The following PRKAA1 variants were observed in gnomAD, a reference collection of about 807,000 sequenced individuals.
PRKAA1 encodes the protein 5'-AMP-activated protein kinase catalytic subunit alpha-1.
In PRKAA1, 23 loss-of-function variants were observed where a neutral mutation model predicts 56.9. The ratio of observed to expected loss-of-function variants is 0.40; its 90% confidence interval spans 0.29 to 0.57. The LOEUF is 0.57. Ranked by LOEUF, PRKAA1 falls within the 20% of genes least tolerant of loss-of-function variation. The pLI is 0.39. For synonymous variants in PRKAA1, 226 were observed against 227.0 expected, an observed-to-expected ratio of 1.00 and a Z score of 0.04; for missense variants, 413 against 679.7, an observed-to-expected ratio of 0.61 and a Z score of 4.36.
intron 1 of PRKAA1, among the ~76,000 whole-genome samples, chr5:40,788,979 C>T (rs1398146810): frequency 6.6e-6 from 1 of 151,968 alleles, no homozygotes. Flanking sequence ...GGGAGGCCGA[C>T]GCGGGTGGAT....
intron 1 of PRKAA1, among the ~76,000 whole-genome samples, chr5:40,782,377 A>C (rs944416849): frequency 1.3e-5 from 2 of 152,188 alleles, no homozygotes; most frequent in Non-Finnish European, 2.9e-5. Flanking sequence ...CATCTCCTAC[A>C]TGCCAGTTAA....
chr5:40,774,377 A>C (rs1216234717), intron 3 of PRKAA1, among the ~76,000 whole-genome samples: 1 of 152,204 alleles, frequency 6.6e-6, no homozygotes, highest in Non-Finnish European at 1.5e-5. Flanking sequence ...AAAAAATGAA[A>C]ATTTCAGAAA....
In PRKAA1 at chr5:40,767,634, A is replaced by G; in HGVS notation, c.653T>C (p.Leu218Ser). The G allele has an allele frequency of 6.2e-7, 1 of 1,613,858 alleles. No individual in the cohort carries two copies. Among genetic ancestry groups the G allele is most frequent in the Non-Finnish European group, 8.5e-7 (1 of 1,179,760 alleles). ...ATCAAATGGAAGGGTTCCACATAAT[A>G]AAGCATAGAGAATAACCCCACTGCT... is the stretch of plus-strand genomic sequence containing the variant. ...IWSSGVILYA[L>S]LCGTLPFDDD... The change falls in exon 6 of 9, where the codon TTA becomes TCA. Residue 218 changes from leucine to serine, a missense_variant. Physicochemically the swap from Leu to Ser is moderately radical, Grantham distance 145 (BLOSUM62 -2). Coordinates refer to ENST00000397128, the MANE Select transcript of PRKAA1 (RefSeq NM_006251.6).
At chr5:40,786,478 T>C (rs910733806) in intron 1 of PRKAA1, among the ~76,000 whole-genome samples, 1 of 151,962 alleles carries the variant, frequency 6.6e-6, no homozygotes, top group African/African-American at 2.4e-5. Context: ...AAGTGGATTT[T>C]CTAAAGAAGT....
intron 6 of PRKAA1, 75 bp from the exon 7 acceptor site, chr5:40,765,313 T>C: frequency 1.4e-6 from 2 of 1,436,894 alleles, no homozygotes; most frequent in Non-Finnish European, 1.9e-6. Flanking sequence ...TTAGGGAATT[T>C]AGAATATGAC....
intron 1 of PRKAA1, 143 bp downstream of exon 1, chr5:40,797,919 GA>G: frequency 7.2e-7 from 1 of 1,394,904 alleles, no homozygotes. Flanking sequence ...GGCGGCTGGG[GA>G]GAGCTCCCGC....
intron 8 of PRKAA1, 185 bp downstream of exon 8, chr5:40,764,329 C>G: frequency 1.8e-6 from 1 of 566,078 alleles, no homozygotes; most frequent in Non-Finnish European, 3.0e-6. Context: ...GGACAATATG[C>G]TATAAGATTA....
chr5:40,783,975 A>C (rs1433125487), intron 1 of PRKAA1, among the ~76,000 whole-genome samples: 1 of 152,182 alleles, frequency 6.6e-6, no homozygotes, highest in African/African-American at 2.4e-5. Flanking sequence ...CAAGTTAAAG[A>C]AACTACAACC....
intron 1 of PRKAA1, among the ~76,000 whole-genome samples, chr5:40,792,936 G>A (rs1470649887): frequency 6.6e-6 from 1 of 151,728 alleles, no homozygotes; most frequent in Non-Finnish European, 1.5e-5. Flanking sequence ...GCGTAGTGGT[G>A]GGCGCCTATA....
At chr5:40,766,182 G>A (rs1356661492) in intron 6 of PRKAA1, among the ~76,000 whole-genome samples, 3 of 152,088 alleles carry the variant, frequency 2.0e-5, no homozygotes, top group East Asian at 1.9e-4. Context: ...AAATCATGCC[G>A]TGCCATTCAT....
chr5:40,775,474 A>G lies in PRKAA1; in HGVS notation c.299T>C (p.Ile100Thr). 6.2e-7 allele frequency: 1 copy of G among 1,607,088 alleles called. No homozygotes were observed. The highest frequency in any genetic ancestry group is 8.5e-7 in the Non-Finnish European group (1 of 1,173,640). ...LYQVISTPSD[I>T]FMVMEYVSGG... ...TGAGACATATTCCATCACCATGAAA[A>G]TATCAGATGGTGTACTGATGACCTG... Residue 100 changes from isoleucine (I) to threonine (T), a missense_variant, in exon 3 of 9, where the codon ATT becomes ACT. Physicochemically the swap from Ile to Thr is moderately conservative, Grantham distance 89. Transcript: ENST00000397128.
chr5:40,769,828 G>A (rs1743636615), intron 4 of PRKAA1, among the ~76,000 whole-genome samples: 1 of 123,554 alleles, frequency 8.1e-6, no homozygotes, highest in Non-Finnish European at 1.6e-5. Context: ...TATAACAGAT[G>A]AATAGAAGGA....
At chr5:40,777,314 AG>A (rs1231106138) in intron 2 of PRKAA1, 130 bp downstream of exon 2, 10 of 1,043,536 alleles carry the variant, frequency 9.6e-6, no homozygotes, top group Non-Finnish European at 1.2e-5. Context: ...CACACAGCCT[AG>A]GAAGAAACTT....
At position 40,793,372 on chromosome 5, in the gene PRKAA1, C is replaced by T. The variant is rs1340223782; in HGVS notation, c.127+4691G>A. On this transcript the variant is annotated intron_variant, in intron 1 of 8. Coordinates refer to ENST00000397128, the MANE Select transcript of PRKAA1 (RefSeq NM_006251.6). ...CAAAATAACCCTAGTTTTCTGTAAA[C>T]TTTCCTCTCAAAATGCTACCACTAA... Among the ~76,000 whole-genome samples the T allele has an allele frequency of 2.6e-5, 4 of 152,086 alleles. No homozygotes were observed. In the East Asian group the frequency reaches 7.7e-4, roughly 29 times the overall value.
At chr5:40,765,799 A>G (rs1418961466) in intron 6 of PRKAA1, among the ~76,000 whole-genome samples, 1 of 152,156 alleles carries the variant, frequency 6.6e-6, no homozygotes, top group African/African-American at 2.4e-5. Context: ...ACAGTAAGTG[A>G]CAGAACCAGG....
Position 40,769,504 on chromosome 5 carries a change from C to G in PRKAA1, c.509-1G>C. The stretch of plus-strand genomic sequence containing the variant: ...CCATCTGACATCATGTTTGAAAGAC[C>G]TGAAAGTGCACAAAATCAGCTACTC... On this transcript the variant is annotated splice_acceptor_variant, in intron 4 of 8. Coordinates refer to ENST00000397128, the MANE Select transcript of PRKAA1 (RefSeq NM_006251.6). LOFTEE classifies it high-confidence loss of function. 6.2e-7 allele frequency: 1 copy of G among 1,602,944 alleles called. No individual in the cohort carries two copies. The highest frequency in any genetic ancestry group is 8.5e-7 in the Non-Finnish European group (1 of 1,173,418).
chr5:40,764,578 T>A lies in PRKAA1; in HGVS notation c.1371A>T (p.Lys457Asn), dbSNP rs979993957. The A allele has an allele frequency of 6.2e-7, 1 of 1,613,590 alleles. No individual in the cohort carries two copies. The highest frequency in any genetic ancestry group is 8.5e-7 in the Non-Finnish European group (1 of 1,179,676). ...RKNPVTSTYSKMSLQLYQVDS... is the reference protein window; with the variant it reads ...RKNPVTSTYSNMSLQLYQVDS... ...CCACTTGGTATAACTGTAGACTCAT[T>A]TTGGAGTAAGTGCTTGTCACAGGAT... The change falls in exon 8 of 9, where the codon AAA becomes AAT. Residue 457 changes from lysine to asparagine, a missense_variant. Lys to Asn is a moderately conservative substitution (Grantham distance 94). Transcript: ENST00000397128.
rs751127658 is a variant in PRKAA1 at position 40,798,045 on chromosome 5, G to A, written c.127+18C>T. The A allele has an allele frequency of 6.2e-7, 1 of 1,606,366 alleles. No individual in the cohort carries two copies. Among genetic ancestry groups the A allele is most frequent in the Non-Finnish European group, 8.5e-7 (1 of 1,175,598 alleles). ...GGCTCCTCAGCTGGGGCCAAGCCTA[G>A]TCCCGCGGGGTTCTCACCCTTCACT... On this transcript the variant is annotated intron_variant, in intron 1 of 8. Coordinates refer to ENST00000397128, the MANE Select transcript of PRKAA1 (RefSeq NM_006251.6).
chr5:40,794,148 C>T (rs958560961), intron 1 of PRKAA1, among the ~76,000 whole-genome samples: 7 of 151,476 alleles, frequency 4.6e-5, no homozygotes, highest in African/African-American at 1.7e-4. Flanking sequence ...ACACTAAAAT[C>T]TATCTACTGC....
Sources: allele counts gnomAD v4.1 joint callset (sites outside exome capture counted in the v4.1 genomes callset), GRCh38; gene constraint gnomAD v4.1.1; transcripts MANE v1.5; gene names NCBI Gene and HGNC (gene_info 2026-07-23, HGNC 2026-07-21).